UNC13B: variants seen among roughly 807,000 people sequenced by gnomAD.
UNC13B encodes unc-13 homolog B.
UNC13B carries 144 observed loss-of-function variants against 211.0 expected under a neutral mutation model. The observed-to-expected ratio is 0.68, with a 90% CI of 0.60 to 0.78. The LOEUF (loss-of-function observed/expected upper bound fraction) is 0.78. Ranked by LOEUF, UNC13B falls within the 30% of genes least tolerant of loss-of-function variation. The pLI is 0.00. For synonymous variants in UNC13B, 709 were observed against 725.8 expected (o/e 0.98, Z 0.37); for missense variants, 1,777 against 2,002.0 (o/e 0.89, Z 2.14).
At chr9:35,354,488 C>T (rs1001685791) in intron 11 of UNC13B, among the ~76,000 whole-genome samples, 1 of 152,108 alleles carries the variant, frequency 6.6e-6, no homozygotes, top group Admixed American at 6.5e-5. Context: ...GGTCTTATTC[C>T]CTTTCTTCCA....
At chr9:35,385,240 T>C in intron 22 of UNC13B, 1 of 985,460 alleles carries the variant, frequency 1.0e-6, no homozygotes, top group Non-Finnish European at 1.2e-6. Context: ...AGATCTGCCA[T>C]CTGCTGGCTG....
At chr9:35,362,584 C>T (rs545807821) in intron 11 of UNC13B, among the ~76,000 whole-genome samples, 8 of 152,076 alleles carry the variant, frequency 5.3e-5, no homozygotes, top group Non-Finnish European at 8.8e-5. Context: ...CCGAGGTGGG[C>T]GGATCACAAG....
rs769233855 is a variant in UNC13B at position 35,295,681 on chromosome 9, G to A, written c.527-15G>A. 6 of 1,611,426 alleles carry A rather than the reference G, an allele frequency of 3.7e-6. No homozygotes were observed. Among genetic ancestry groups the A allele is most frequent in the Admixed American group, 1.7e-5 (1 of 59,984 alleles). On this transcript the variant is annotated splice_polypyrimidine_tract_variant and intron_variant, in intron 7 of 39. Coordinates refer to ENST00000635942, the MANE Select transcript of UNC13B (RefSeq NM_001371189.2). ...TAAAGCTGGGGTGCTTTGATTGAATGTGCTTATTCCATAGCTTTTGAAGAC... is the reference window on the plus strand; with the variant it reads ...TAAAGCTGGGGTGCTTTGATTGAATATGCTTATTCCATAGCTTTTGAAGAC...
intron 7 of UNC13B, among the ~76,000 whole-genome samples, chr9:35,291,489 A>G (rs1396662272): frequency 6.6e-6 from 1 of 152,196 alleles, no homozygotes; most frequent in Non-Finnish European, 1.5e-5. Flanking sequence ...AGTCAAGGTG[A>G]TTGGTGTGCA....
intron 30 of UNC13B, 81 bp downstream of exon 30, chr9:35,397,793 G>C: frequency 6.7e-7 from 1 of 1,482,272 alleles, no homozygotes; most frequent in Non-Finnish European, 9.3e-7. Flanking sequence ...CCTCAGAATT[G>C]AGGGTTGGGG....
chr9:35,178,029 A>G (rs1821731577), intron 1 of UNC13B, among the ~76,000 whole-genome samples: 1 of 152,242 alleles, frequency 6.6e-6, no homozygotes. Flanking sequence ...TCCACGTGTT[A>G]AGGTTGGAAA....
intron 7 of UNC13B, among the ~76,000 whole-genome samples, chr9:35,272,119 G>A (rs561991324): frequency 5.4e-4 from 82 of 151,458 alleles, no homozygotes; most frequent in Non-Finnish European, 1.2e-4. Context: ...CTAAAAAATA[G>A]GATCCTAACC....
chr9:35,392,473 C>T (rs923657619), intron 26 of UNC13B, among the ~76,000 whole-genome samples: 1 of 151,994 alleles, frequency 6.6e-6, no homozygotes, highest in African/African-American at 2.4e-5. Context: ...TCGTGATTGT[C>T]AGAATATGGA....
intron 1 of UNC13B, among the ~76,000 whole-genome samples, chr9:35,223,073 C>T (rs1010284487): frequency 1.3e-5 from 2 of 152,012 alleles, no homozygotes; most frequent in Admixed American, 6.6e-5. Flanking sequence ...ATATATATAC[C>T]ACATTTTCTT....
In UNC13B at chr9:35,397,816, T is replaced by A. The variant is rs1487847010; in HGVS notation, c.11754+104T>A. ...TTGAGGGTTGGGGTGACACTCCTGATGCCTGATTCCCACCATGGCTTTGCT... is the reference window on the plus strand; with the variant it reads ...TTGAGGGTTGGGGTGACACTCCTGAAGCCTGATTCCCACCATGGCTTTGCT... On this transcript the variant is annotated intron_variant, in intron 30 of 39. Transcript: ENST00000635942. The A allele has an allele frequency of 6.7e-6, 8 of 1,191,698 alleles. No individual in the cohort carries two copies. The East Asian group carries it at 2.0e-4, about 30-fold the overall frequency. 73.8% of individuals were successfully genotyped at this position (1,191,698 alleles called of 1,614,324 possible).
intron 24 of UNC13B, 149 bp from the exon 25 acceptor site, chr9:35,389,697 T>C: frequency 1.3e-6 from 1 of 767,186 alleles, no homozygotes; most frequent in Non-Finnish European, 2.1e-6. Context: ...AGGGATAGTC[T>C]TGTGGAAGAC....
At chr9:35,327,759 C>T (rs946474222) in intron 11 of UNC13B, among the ~76,000 whole-genome samples, 3 of 152,172 alleles carry the variant, frequency 2.0e-5, no homozygotes, top group East Asian at 1.9e-4. Context: ...TAACCATTAC[C>T]GTCAATGAAA....
At chr9:35,179,872 T>G (rs1821841290) in intron 1 of UNC13B, among the ~76,000 whole-genome samples, 1 of 152,224 alleles carries the variant, frequency 6.6e-6, no homozygotes, top group African/African-American at 2.4e-5. Flanking sequence ...TTAAGTTCAG[T>G]TAATTGGGTA....
chr9:35,334,759 G>A (rs748656780), intron 11 of UNC13B, among the ~76,000 whole-genome samples: 41 of 152,210 alleles, frequency 2.7e-4, no homozygotes, highest in Non-Finnish European at 4.0e-4. Flanking sequence ...TTAGGTGGCC[G>A]GGCGCGGTGG....
At chr9:35,371,059 G>C (rs1834083675) in intron 13 of UNC13B, among the ~76,000 whole-genome samples, 1 of 152,182 alleles carries the variant, frequency 6.6e-6, no homozygotes, top group African/African-American at 2.4e-5. Flanking sequence ...GTGAGGTCCA[G>C]GTTCTCTCAG....
At chr9:35,396,984 G>T (rs1212556608) in intron 28 of UNC13B, 47 bp downstream of exon 28, 7 of 1,610,974 alleles carry the variant, frequency 4.3e-6, no homozygotes, top group Non-Finnish European at 5.9e-6. Context: ...AGGTCTCCCA[G>T]CAATTAGCTA....
At chr9:35,240,831 G>A (rs941542689) in intron 5 of UNC13B, among the ~76,000 whole-genome samples, 2 of 151,926 alleles carry the variant, frequency 1.3e-5, no homozygotes, top group African/African-American at 4.8e-5. Flanking sequence ...TGAGGTGGGT[G>A]GATCATGAGG....
intron 1 of UNC13B, among the ~76,000 whole-genome samples, chr9:35,226,355 T>G (rs543695329): frequency 4.0e-4 from 61 of 150,846 alleles, no homozygotes; most frequent in African/African-American, 9.5e-4. Flanking sequence ...ACTGATAGGG[T>G]GTGTGTGTGT....
intron 26 of UNC13B, among the ~76,000 whole-genome samples, chr9:35,394,062 G>C (rs1013044905): frequency 6.6e-6 from 1 of 152,140 alleles, no homozygotes; most frequent in African/African-American, 2.4e-5. Flanking sequence ...ATGAGACCTA[G>C]GCAGGTAATA....
Sources: gnomAD v4.1 joint callset for allele counts (sites outside exome capture counted in the v4.1 genomes callset) on GRCh38, gnomAD v4.1.1 for gene constraint, MANE v1.5 for transcripts, NCBI Gene and HGNC (gene_info 2026-07-23, HGNC 2026-07-21) for gene names.